The following STON2 variants were observed in gnomAD, a reference collection of about 807,000 sequenced individuals.
STON2 encodes the protein stonin-2.
Under a neutral mutation model 65.7 loss-of-function variants are expected in STON2, and 29 were observed. The observed-to-expected ratio is 0.44, with a 90% CI of 0.33 to 0.60. The LOEUF (loss-of-function observed/expected upper bound fraction) is 0.60, where lower values mean the gene tolerates loss of function less well. Among genes scored for constraint, STON2 ranks in the 20% least tolerant of loss-of-function variants. The pLI is 0.03. For missense variants in STON2, 1,054 were observed against 1,118.1 expected, an observed-to-expected ratio of 0.94 and a Z score of 0.82; for synonymous variants, 404 against 414.2, an observed-to-expected ratio of 0.98 and a Z score of 0.30.
intron 4 of STON2, among the ~76,000 whole-genome samples, chr14:81,324,985 T>C (rs938370371): frequency 6.6e-6 from 1 of 152,162 alleles, no homozygotes; most frequent in Non-Finnish European, 1.5e-5. Flanking sequence ...CTCTTTCACA[T>C]GTGAGCACAC....
At chr14:81,405,759 A>G (rs1352552710) in intron 2 of STON2, among the ~76,000 whole-genome samples, 2 of 152,060 alleles carry the variant, frequency 1.3e-5, no homozygotes, top group African/African-American at 4.8e-5. Context: ...GTAGATCTTG[A>G]CAGGGTATGA....
In STON2 at chr14:81,266,551, TG is replaced by T; in HGVS notation, c.*1862del. 1.9e-6 allele frequency: 1 copy of T among 528,688 alleles called. No individual in the cohort carries two copies. The highest frequency in any genetic ancestry group is 2.4e-6 in the Non-Finnish European group (1 of 412,820). 32.7% of individuals were successfully genotyped at this position (528,688 alleles called of 1,614,324 possible). A position where few individuals can be genotyped will look rare whatever the true frequency, so the allele number is the denominator to read the frequency against. ...CTTTACAACCCTGGTCACCTCCCTA[TG>T]GACACAATCAACTTATTAATGTCTC... On this transcript the variant is annotated 3_prime_UTR_variant, in exon 8 of 8. Coordinates refer to ENST00000614646, the MANE Select transcript of STON2 (RefSeq NM_001394390.1).
intron 5 of STON2, among the ~76,000 whole-genome samples, chr14:81,317,064 G>A (rs1218811462): frequency 6.6e-6 from 1 of 152,140 alleles, no homozygotes; most frequent in Non-Finnish European, 1.5e-5. Flanking sequence ...GCTCATGGTT[G>A]TGCAGACTGT....
At chr14:81,432,522 G>A (rs1268137790) in intron 1 of STON2, among the ~76,000 whole-genome samples, 2 of 152,216 alleles carry the variant, frequency 1.3e-5, no homozygotes, top group Non-Finnish European at 2.9e-5. Context: ...CACCCAGTGG[G>A]AAAGCTCAGC....
intron 5 of STON2, among the ~76,000 whole-genome samples, chr14:81,289,421 T>C (rs1389126038): frequency 6.6e-6 from 1 of 151,842 alleles, no homozygotes; most frequent in Non-Finnish European, 1.5e-5. Flanking sequence ...TGGTCAGTGG[T>C]GGGAAAAACT....
intron 2 of STON2, among the ~76,000 whole-genome samples, chr14:81,412,669 A>T (rs1901218811): frequency 7.2e-6 from 1 of 139,612 alleles, no homozygotes; most frequent in East Asian, 2.5e-4. Context: ...TAGTTGCACA[A>T]CGATGTGAAA....
chr14:81,309,038 T>C (rs1019361952), intron 5 of STON2, among the ~76,000 whole-genome samples: 6 of 150,878 alleles, frequency 4.0e-5, no homozygotes, highest in African/African-American at 1.5e-4. Context: ...GCCTAAAATC[T>C]TGCTTTGCCC....
intron 4 of STON2, chr14:81,333,221 T>C: frequency 1.1e-6 from 1 of 925,540 alleles, no homozygotes; most frequent in Non-Finnish European, 1.7e-6. Context: ...TTGTACATTT[T>C]TGCTAGTTTT....
chr14:81,360,709 T>A (rs1160971762), intron 4 of STON2, among the ~76,000 whole-genome samples: 1 of 152,096 alleles, frequency 6.6e-6, no homozygotes, highest in African/African-American at 2.4e-5. Context: ...AGGCATCCAA[T>A]TAGAAAAGGA....
chr14:81,409,430 A>AT (rs1901043226), intron 2 of STON2, among the ~76,000 whole-genome samples: 2 of 147,696 alleles, frequency 1.4e-5, no homozygotes, highest in African/African-American at 4.9e-5. Flanking sequence ...TAAATATAAA[A>AT]ATATATATAT....
Position 81,267,275 on chromosome 14 carries a change from C to A in STON2, c.*1139G>T. The A allele has an allele frequency of 1.3e-5, 13 of 985,306 alleles. No homozygotes were observed. The highest frequency in any genetic ancestry group is 1.6e-5 in the Non-Finnish European group (13 of 829,892). 61.0% of individuals were successfully genotyped at this position (985,306 alleles called of 1,614,324 possible). A position where few individuals can be genotyped will look rare whatever the true frequency, so the allele number is the denominator to read the frequency against. On this transcript the variant is annotated 3_prime_UTR_variant, in exon 8 of 8. Transcript: ENST00000614646. ...ACTCTTGGAATCAGAATATAATGTT[C>A]CCAACATTAGAAAAATATGGCTTTT...
intron 4 of STON2, among the ~76,000 whole-genome samples, chr14:81,351,946 G>A (rs1463849466): frequency 3.3e-5 from 5 of 152,184 alleles, no homozygotes; most frequent in African/African-American, 7.2e-5. Flanking sequence ...GCTATCAACT[G>A]TTTGTCAGTC....
intron 5 of STON2, among the ~76,000 whole-genome samples, chr14:81,285,105 C>T (rs1042010375): frequency 2.0e-5 from 3 of 152,180 alleles, no homozygotes. Context: ...TGCCTGCAGC[C>T]GTGGAACACA....
At chr14:81,428,344 G>T (rs2371600) in intron 1 of STON2, among the ~76,000 whole-genome samples, 2 of 152,160 alleles carry the variant, frequency 1.3e-5, no homozygotes, top group Admixed American at 6.5e-5. Context: ...TTTAAACAAC[G>T]TATAACTGGA....
chr14:81,372,515 A>T (rs946728495), intron 3 of STON2, among the ~76,000 whole-genome samples: 4 of 150,106 alleles, frequency 2.7e-5, no homozygotes, highest in Non-Finnish European at 5.9e-5. Context: ...GCGCCATTGC[A>T]CTCCAGCCTA....
chr14:81,328,422 C>A (rs1428844394), intron 4 of STON2, among the ~76,000 whole-genome samples: 2 of 152,112 alleles, frequency 1.3e-5, no homozygotes, highest in Non-Finnish European at 2.9e-5. Flanking sequence ...TACTGGTAAC[C>A]CAGGGTTGAG....
chr14:81,278,691 A>C lies in STON2; in HGVS notation c.791T>G (p.Ile264Ser), dbSNP rs1332560296. ...GGCTGGACTGCTGGCCTGCCAGCTG[A>C]TGGCCTCCATCTCTACTTCTTCATC... ...QEDEEVEMEAISWQASSPAMN... is the reference protein window; with the variant it reads ...QEDEEVEMEASSWQASSPAMN... The change falls in exon 6 of 8, where the codon ATC becomes AGC. Residue 264 changes from isoleucine (I) to serine (S), a missense_variant. Coordinates refer to ENST00000614646, the MANE Select transcript of STON2 (RefSeq NM_001394390.1). 1.3e-6 allele frequency: 2 copies of C among 1,524,636 alleles called. No individual in the cohort carries two copies. Among genetic ancestry groups the C allele is most frequent in the Admixed American group, 2.2e-5 (1 of 45,026 alleles). The allele number at this position is 1,524,636 out of a possible 1,614,324, so 94.4% of individuals were successfully genotyped here. A position where few individuals can be genotyped will look rare whatever the true frequency, so the allele number is the denominator to read the frequency against.
At chr14:81,337,838 GC>G (rs1897434938) in intron 4 of STON2, among the ~76,000 whole-genome samples, 1 of 152,068 alleles carries the variant, frequency 6.6e-6, no homozygotes, top group East Asian at 1.9e-4. Context: ...AGTAGCATGT[GC>G]CTGCAATCCA....
rs779551610 is a variant in STON2 at position 81,278,286 on chromosome 14, G to A, written c.1196C>T (p.Ser399Phe). ...GGTACTGGAAATGGAACTGTTTTGG[G>A]AGCGCCTCTCCTGCTCCTCAAAGAA... ...SAFFEEQERR[S>F]QNSSISSTTG... The change falls in exon 6 of 8, where the codon TCC (serine) becomes TTC (phenylalanine). Residue 399 changes from serine to phenylalanine, a missense_variant. Transcript: ENST00000614646. 23 of 1,614,034 alleles carry A rather than the reference G, an allele frequency of 1.4e-5. No individual in the cohort carries two copies. The East Asian group carries it at 3.6e-4, about 25-fold the overall frequency.
Sources: gnomAD v4.1 joint callset for allele counts (sites outside exome capture counted in the v4.1 genomes callset) on GRCh38, gnomAD v4.1.1 for gene constraint, MANE v1.5 for transcripts, NCBI Gene and HGNC (gene_info 2026-07-23, HGNC 2026-07-21) for gene names.